SCAF8: variants seen among roughly 807,000 people sequenced by gnomAD.
SCAF8 encodes the protein SR-related CTD associated factor 8.
A neutral mutation model predicts 140.5 loss-of-function variants in SCAF8; 23 were observed. The ratio of observed to expected loss-of-function variants is 0.16; its 90% CI spans 0.12 to 0.23. The LOEUF (loss-of-function observed/expected upper bound fraction) is 0.23, where lower values mean the gene tolerates loss of function less well. SCAF8 is among the 10% of genes least tolerant of loss of function. SCAF8 has a pLI of 1.00. For synonymous variants in SCAF8, 575 were observed against 528.9 expected (o/e 1.09, Z -1.20); for missense variants, 1,397 against 1,555.7 (o/e 0.90, Z 1.72).
chr6:154,769,460 A>G (rs921851445), intron 1 of SCAF8, among the ~76,000 whole-genome samples: 19 of 152,218 alleles, frequency 1.2e-4, no homozygotes, highest in Non-Finnish European at 2.5e-4. Context: ...CCCTAGTAAT[A>G]TAAACAGCAG....
intron 18 of SCAF8, among the ~76,000 whole-genome samples, chr6:154,827,834 CG>C (rs36065536): frequency 0.28 from 22,891 of 81,300 alleles, 2,675 homozygotes; most frequent in Middle Eastern, 0.45. Context: ...TGGGGCGGGG[CG>C]GGGGGGGGGG....
chr6:154,768,604 T>C (rs1244433753), intron 1 of SCAF8, among the ~76,000 whole-genome samples: 4 of 152,230 alleles, frequency 2.6e-5, no homozygotes, highest in Non-Finnish European at 5.9e-5. Flanking sequence ...GCTATGTATG[T>C]TTGTAAATGA....
At position 154,733,518 on chromosome 6, in the gene SCAF8, C is replaced by T. The variant is rs1377834624; in HGVS notation, c.-383C>T. On this transcript the variant is annotated 5_prime_UTR_variant, in exon 1 of 20. Coordinates refer to ENST00000367178, the MANE Select transcript of SCAF8 (RefSeq NM_014892.5). Reference sequence around the variant, plus strand: ...GCGGCGGGGAGGTGAAACAGGAGCCCGTCGGAGGAAGGGGCAGAAGGGAGT... The same window carrying T: ...GCGGCGGGGAGGTGAAACAGGAGCCTGTCGGAGGAAGGGGCAGAAGGGAGT... The T allele has an allele frequency of 3.8e-6, 5 of 1,308,006 alleles. No individual in the cohort carries two copies. Among genetic ancestry groups the T allele is most frequent in the Non-Finnish European group, 4.9e-6 (5 of 1,028,768 alleles). The allele number at this position is 1,308,006 out of a possible 1,614,324, so 81.0% of individuals were successfully genotyped here. A position where few individuals can be genotyped will look rare whatever the true frequency, so the allele number is the denominator to read the frequency against.
chr6:154,793,044 T>C, intron 5 of SCAF8, 68 bp downstream of exon 5: 6 of 1,291,598 alleles, frequency 4.6e-6, no homozygotes, highest in Non-Finnish European at 6.2e-6. Context: ...ACTGTTCATA[T>C]AAAAAATAAT....
At chr6:154,761,373 C>T (rs980648056) in intron 1 of SCAF8, among the ~76,000 whole-genome samples, 1 of 151,802 alleles carries the variant, frequency 6.6e-6, no homozygotes, top group Non-Finnish European at 1.5e-5. Context: ...ATAATCCCAG[C>T]GGCTCGGGAG....
intron 6 of SCAF8, among the ~76,000 whole-genome samples, chr6:154,797,739 A>G (rs539918511): frequency 2.0e-5 from 3 of 151,618 alleles, no homozygotes; most frequent in African/African-American, 7.2e-5. Context: ...GGAACATGCA[A>G]TAATTACATA....
intron 3 of SCAF8, among the ~76,000 whole-genome samples, chr6:154,779,501 T>G (rs969275222): frequency 1.3e-5 from 2 of 152,188 alleles, no homozygotes; most frequent in African/African-American, 4.8e-5. Flanking sequence ...AACCACAATT[T>G]GAGTAGTAAA....
intron 12 of SCAF8, among the ~76,000 whole-genome samples, chr6:154,815,052 C>A (rs1778206662): frequency 1.3e-5 from 2 of 152,148 alleles, no homozygotes; most frequent in African/African-American, 4.8e-5. Context: ...TATCCCAGCG[C>A]TTTGGGAGGC....
intron 1 of SCAF8, among the ~76,000 whole-genome samples, chr6:154,750,699 T>C (rs960959569): frequency 6.6e-6 from 1 of 152,234 alleles, no homozygotes; most frequent in African/African-American, 2.4e-5. Context: ...CAGCATTTTA[T>C]TTACTCTTAG....
chr6:154,821,818 G>A (rs181877201), intron 15 of SCAF8, among the ~76,000 whole-genome samples: 80 of 152,268 alleles, frequency 5.3e-4, no homozygotes, highest in African/African-American at 1.9e-3. Flanking sequence ...TCTTTACTTT[G>A]AATAAGATGG....
Position 154,826,277 on chromosome 6 carries a change from A to G in SCAF8, c.2072-895A>G, listed in dbSNP as rs575105034. The stretch of plus-strand genomic sequence containing the variant: ...TGATTATTTCAAAAATCATAACCAT[A>G]TAGGCTTTATAAAGTCATTGTTCCT... On this transcript the variant is annotated intron_variant, in intron 17 of 19. Transcript: ENST00000367178. Among the ~76,000 whole-genome samples the G allele has an allele frequency of 2.7e-4, 41 of 152,284 alleles. 1 individual carries two copies. Among genetic ancestry groups the G allele is most frequent in the African/African-American group, 9.1e-4 (38 of 41,568 alleles).
intron 1 of SCAF8, among the ~76,000 whole-genome samples, chr6:154,735,958 T>G (rs1778406326): frequency 6.6e-6 from 1 of 151,410 alleles, no homozygotes; most frequent in Non-Finnish European, 1.5e-5. Context: ...GCCCCCCAAG[T>G]AGGTGAGATT....
chr6:154,754,631 A>G (rs922392788), intron 1 of SCAF8, among the ~76,000 whole-genome samples: 5 of 152,242 alleles, frequency 3.3e-5, no homozygotes, highest in Admixed American at 1.3e-4. Context: ...GATGAAAAGT[A>G]TATTACTGTC....
In SCAF8 at chr6:154,820,997, T is replaced by G. The variant is rs541750459; in HGVS notation, c.1792+664T>G. On this transcript the variant is annotated intron_variant, in intron 15 of 19. Coordinates refer to ENST00000367178, the MANE Select transcript of SCAF8 (RefSeq NM_014892.5). ...AGAGTTAGCTAATTTTCAGAATATT[T>G]GTTTCTCAGACCAAGGTAAAATTTT... Among the ~76,000 whole-genome samples the G allele has an allele frequency of 2.0e-5, 3 of 152,358 alleles. No homozygotes were observed. In the South Asian group the frequency reaches 6.2e-4, roughly 32 times the overall value.
At chr6:154,742,883 G>T (rs1180758517) in intron 1 of SCAF8, among the ~76,000 whole-genome samples, 3 of 152,102 alleles carry the variant, frequency 2.0e-5, no homozygotes, top group Non-Finnish European at 2.9e-5. Context: ...AAAGATGTAG[G>T]ATTTCATTCT....
At chr6:154,741,697 G>A (rs4464812) in intron 1 of SCAF8, among the ~76,000 whole-genome samples, 6 of 152,254 alleles carry the variant, frequency 3.9e-5, no homozygotes, top group East Asian at 3.9e-4. Context: ...GTGAGCCACC[G>A]CGCCCGGCCC....
intron 1 of SCAF8, among the ~76,000 whole-genome samples, chr6:154,767,529 CTTTTTT>C (rs71021076): frequency 1.1e-5 from 1 of 91,036 alleles, no homozygotes; most frequent in Non-Finnish European, 2.2e-5. Flanking sequence ...CTTCTGTTAT[CTTTTTT>C]TTTTTTTTTT....
intron 8 of SCAF8, 37 bp from the exon 9 acceptor site, chr6:154,805,332 G>T: frequency 4.1e-6 from 5 of 1,205,680 alleles, no homozygotes; most frequent in South Asian, 2.6e-5. Context: ...ATCTTTAGTG[G>T]GTTTTAAAAT....
chr6:154,795,258 C>A (rs987068066), intron 6 of SCAF8, 119 bp downstream of exon 6: 26 of 772,140 alleles, frequency 3.4e-5, no homozygotes, highest in Admixed American at 1.1e-4. Context: ...AAAATGGGAC[C>A]ATTATGTATA....
Sources: allele counts gnomAD v4.1 joint callset (sites outside exome capture counted in the v4.1 genomes callset), GRCh38; gene constraint gnomAD v4.1.1; transcripts MANE v1.5; gene names NCBI Gene and HGNC (gene_info 2026-07-23, HGNC 2026-07-21).